The following LRP1B variants were observed in gnomAD, a reference collection of about 807,000 sequenced individuals.
The protein encoded by LRP1B is low-density lipoprotein receptor-related protein 1B.
A neutral mutation model predicts 556.6 loss-of-function variants in LRP1B; 217 were observed. That is an observed-to-expected ratio of 0.39 (90% confidence interval 0.35 to 0.44). The LOEUF (loss-of-function observed/expected upper bound fraction) is 0.44. LRP1B is among the 20% of genes least tolerant of loss of function. The pLI, the probability that LRP1B is intolerant of heterozygous loss-of-function variation, is 1.00. For missense variants in LRP1B, 5,053 were observed against 5,620.8 expected (o/e 0.90, Z 3.23); for synonymous variants, 2,047 against 1,865.8 (o/e 1.10, Z -2.50).
chr2:140,779,760 G>A (rs1451383981), intron 32 of LRP1B, among the ~76,000 whole-genome samples: 3 of 127,726 alleles, frequency 2.3e-5, no homozygotes, highest in African/African-American at 8.3e-5. Context: ...GAGAGAGTGT[G>A]TGTGTGTGTG....
At chr2:140,828,898 A>G (rs1249456425) in intron 31 of LRP1B, among the ~76,000 whole-genome samples, 1 of 151,938 alleles carries the variant, frequency 6.6e-6, no homozygotes, top group African/African-American at 2.4e-5. Flanking sequence ...TTTCACCTAC[A>G]AAAAGACACA....
At chr2:140,797,016 C>A (rs1468171822) in intron 32 of LRP1B, among the ~76,000 whole-genome samples, 1 of 151,690 alleles carries the variant, frequency 6.6e-6, no homozygotes, top group African/African-American at 2.4e-5. Flanking sequence ...TATATGAATA[C>A]CTAATATAAT....
At chr2:141,916,203 G>T (rs931684306) in intron 1 of LRP1B, among the ~76,000 whole-genome samples, 4 of 151,968 alleles carry the variant, frequency 2.6e-5, no homozygotes, top group Non-Finnish European at 4.4e-5. Flanking sequence ...ATTGGATAAA[G>T]AAAATGTGAT....
At chr2:141,454,467 G>T (rs896882310) in intron 3 of LRP1B, among the ~76,000 whole-genome samples, 1 of 152,008 alleles carries the variant, frequency 6.6e-6, no homozygotes, top group Non-Finnish European at 1.5e-5. Flanking sequence ...GCTACTATGG[G>T]CCCACTTACA....
At chr2:140,478,298 C>T (rs996868653) in intron 59 of LRP1B, among the ~76,000 whole-genome samples, 1 of 151,498 alleles carries the variant, frequency 6.6e-6, no homozygotes, top group Non-Finnish European at 1.5e-5. Context: ...TACAGGGGCC[C>T]GCCACCACGC....
At chr2:141,172,486 G>T (rs1456885512) in intron 7 of LRP1B, among the ~76,000 whole-genome samples, 1 of 151,888 alleles carries the variant, frequency 6.6e-6, no homozygotes, top group Non-Finnish European at 1.5e-5. Context: ...TAATCTTACT[G>T]ACTAAAATGA....
chr2:141,365,186 C>G (rs1404355189), intron 3 of LRP1B, among the ~76,000 whole-genome samples: 2 of 152,028 alleles, frequency 1.3e-5, no homozygotes, highest in Non-Finnish European at 2.9e-5. Context: ...CTCTTCCATT[C>G]ACTGAAAGAA....
At chr2:141,961,522 A>T (rs1217815968) in intron 1 of LRP1B, among the ~76,000 whole-genome samples, 2 of 151,752 alleles carry the variant, frequency 1.3e-5, no homozygotes, top group Non-Finnish European at 2.9e-5. Context: ...ATCTGGGTCA[A>T]TAGCTCAACA....
At chr2:141,976,937 A>G (rs1305437379) in intron 1 of LRP1B, among the ~76,000 whole-genome samples, 1 of 152,166 alleles carries the variant, frequency 6.6e-6, no homozygotes, top group Non-Finnish European at 1.5e-5. Flanking sequence ...TTTAAGGAAG[A>G]TATGCTGAAC....
At chr2:140,758,853 T>C (rs1055657071) in intron 35 of LRP1B, among the ~76,000 whole-genome samples, 3 of 152,086 alleles carry the variant, frequency 2.0e-5, no homozygotes, top group Non-Finnish European at 4.4e-5. Flanking sequence ...TCTTAGCTCT[T>C]TTATTCTCTA....
chr2:141,464,606 A>ATATATATTTT, intron 3 of LRP1B, among the ~76,000 whole-genome samples: 2,038 of 90,422 alleles, frequency 0.023, 70 homozygotes, highest in South Asian at 0.092. Context: ...ATATATATAT[A>ATATATATTTT]TTTTTTTAGT....
chr2:141,206,107 AAAT>A (rs1682264808), intron 6 of LRP1B, among the ~76,000 whole-genome samples: 1 of 148,132 alleles, frequency 6.8e-6, no homozygotes, highest in Non-Finnish European at 1.5e-5. Flanking sequence ...CTGTGAATAA[AAAT>A]AATGTGAGGA....
At chr2:141,309,559 A>G (rs1344514030) in intron 3 of LRP1B, among the ~76,000 whole-genome samples, 1 of 152,194 alleles carries the variant, frequency 6.6e-6, no homozygotes, top group Non-Finnish European at 1.5e-5. Flanking sequence ...CTCTTGCCCC[A>G]TTTTGCTATG....
intron 1 of LRP1B, among the ~76,000 whole-genome samples, chr2:141,842,030 C>G (rs776471493): frequency 1.7e-4 from 26 of 152,002 alleles, no homozygotes; most frequent in Non-Finnish European, 3.5e-4. Flanking sequence ...ATTTGTATCC[C>G]TTAAGAAAAA....
intron 2 of LRP1B, among the ~76,000 whole-genome samples, chr2:141,524,903 T>C (rs1176566998): frequency 6.6e-6 from 1 of 152,062 alleles, no homozygotes; most frequent in African/African-American, 2.4e-5. Flanking sequence ...ATGCAGGATA[T>C]TATTATTTTG....
chr2:140,683,585 G>T (rs1263874309), intron 41 of LRP1B: 21 of 687,930 alleles, frequency 3.1e-5, no homozygotes, highest in Non-Finnish European at 3.6e-5. Context: ...TAAAAAGATT[G>T]CCAGGCTGTT....
chr2:141,065,527 G>A (rs1053758060), intron 7 of LRP1B, among the ~76,000 whole-genome samples: 6 of 151,808 alleles, frequency 4.0e-5, no homozygotes, highest in African/African-American at 1.5e-4. Flanking sequence ...TGTTCATGAT[G>A]TTAATATTTC....
rs148658968 is a variant in LRP1B, at chr2:140,622,956, G to A, written c.6800-21317C>T. On this transcript the variant is annotated intron_variant, in intron 41 of 90. Transcript: ENST00000389484. ...AAAATGCTTCTATTCTGATTTTAAG[G>A]CATCAGCAATCAAATCCTGCAAGTC... Among the ~76,000 whole-genome samples, 49 of 150,106 alleles carry A rather than the reference G, an allele frequency of 3.3e-4. No individual in the cohort carries two copies. The East Asian group carries it at 6.9e-3, about 21-fold the overall frequency.
At chr2:140,306,014 T>C (rs1400523738) in intron 83 of LRP1B, among the ~76,000 whole-genome samples, 19 of 148,164 alleles carry the variant, frequency 1.3e-4, no homozygotes, top group South Asian at 4.3e-4. Flanking sequence ...CACTTGATCA[T>C]GGTGGATAAG....
Sources: gnomAD v4.1 joint callset for allele counts (sites outside exome capture counted in the v4.1 genomes callset) on GRCh38, gnomAD v4.1.1 for gene constraint, MANE v1.5 for transcripts, NCBI Gene and HGNC (gene_info 2026-07-23, HGNC 2026-07-21) for gene names.